TPD52: variants seen among roughly 807,000 people sequenced by gnomAD.
TPD52 encodes tumor protein D52, also known as prostate and colon associated protein.
Under a neutral mutation model 31.3 loss-of-function variants are expected in TPD52, and 17 were observed. The observed-to-expected ratio is 0.54, with a 90% CI of 0.37 to 0.82. TPD52 has a LOEUF of 0.82. TPD52 is among the 40% of genes least tolerant of loss of function. The probability of loss-of-function intolerance (pLI) is 0.00; values close to 1 mark genes in which losing one functional copy is unlikely to be tolerated. For missense variants in TPD52, 212 were observed against 240.1 expected (o/e 0.88, Z 0.77); for synonymous variants, 83 against 89.6 (o/e 0.93, Z 0.42).
chr8:80,091,162 A>G (rs1816228042), intron 1 of TPD52, among the ~76,000 whole-genome samples: 1 of 152,190 alleles, frequency 6.6e-6, no homozygotes, highest in Admixed American at 6.5e-5. Flanking sequence ...AAGGAGTCAC[A>G]GACTGGATTC....
At chr8:80,141,913 A>T (rs1016870210) in intron 1 of TPD52, among the ~76,000 whole-genome samples, 2 of 130,816 alleles carry the variant, frequency 1.5e-5, no homozygotes, top group Non-Finnish European at 3.4e-5. Context: ...CTGGCTCAAA[A>T]AAACAATAAA....
In TPD52 at chr8:80,042,875, G is replaced by C. The variant is rs140064549; in HGVS notation, c.456-207C>G. On this transcript the variant is annotated intron_variant, in intron 6 of 7. Transcript: ENST00000518937. Reference sequence around the variant, plus strand: ...TCTAATATTTTAAGAGTATGCATTTGATTCCATGAACAGGGCCAGTCTCAG... The same window carrying C: ...TCTAATATTTTAAGAGTATGCATTTCATTCCATGAACAGGGCCAGTCTCAG... 177 of 452,622 alleles carry C rather than the reference G, an allele frequency of 3.9e-4. No homozygotes were observed. In the East Asian group the frequency reaches 5.9e-3, roughly 15 times the overall value. The allele number at this position is 452,622 out of a possible 1,614,324, so 28.0% of individuals were successfully genotyped here.
chr8:80,159,486 G>A (rs1811207545), intron 1 of TPD52, among the ~76,000 whole-genome samples: 1 of 152,104 alleles, frequency 6.6e-6, no homozygotes, highest in Non-Finnish European at 1.5e-5. Context: ...GTATAGGCTG[G>A]GTAAGGACAC....
At chr8:80,136,759 AAAT>A (rs1809465261) in intron 1 of TPD52, among the ~76,000 whole-genome samples, 1 of 152,186 alleles carries the variant, frequency 6.6e-6, no homozygotes, top group Admixed American at 6.5e-5. Flanking sequence ...CAAAAAACTG[AAAT>A]AATAAATCCC....
chr8:80,071,073 G>C (rs1813720585), intron 1 of TPD52, among the ~76,000 whole-genome samples: 2 of 152,190 alleles, frequency 1.3e-5, no homozygotes, highest in African/African-American at 4.8e-5. Context: ...GGAACACCAA[G>C]GTCTGCAAGC....
intron 1 of TPD52, among the ~76,000 whole-genome samples, chr8:80,153,674 G>A (rs1232509852): frequency 6.6e-6 from 1 of 152,182 alleles, no homozygotes; most frequent in East Asian, 1.9e-4. Flanking sequence ...TAAGATAAGA[G>A]CTCTCTATAT....
intron 2 of TPD52, among the ~76,000 whole-genome samples, chr8:80,060,688 C>A (rs1165028871): frequency 1.3e-5 from 2 of 151,472 alleles, no homozygotes; most frequent in Non-Finnish European, 2.9e-5. Context: ...GTGTTATATA[C>A]CACATTAATA....
chr8:80,042,207 A>G (rs965929311), intron 7 of TPD52: 5 of 985,358 alleles, frequency 5.1e-6, no homozygotes, highest in Non-Finnish European at 6.0e-6. Context: ...GTAACAGCAT[A>G]ATAGCACATA....
rs1586444281 is a variant in TPD52 at position 80,171,503 on chromosome 8, C to T, written c.-60G>A. 6.6e-7 allele frequency: 1 copy of T among 1,515,448 alleles called. No homozygotes were observed. The highest frequency in any genetic ancestry group is 8.7e-7 in the Non-Finnish European group (1 of 1,145,252). The allele number at this position is 1,515,448 out of a possible 1,614,324, so 93.9% of individuals were successfully genotyped here. ...CCCCCGCCTGCAGCCCGTCCCGGCT[C>T]GGATCGCCCGCCGCGCCGCGCAGAG... is the stretch of plus-strand genomic sequence containing the variant. On this transcript the variant is annotated 5_prime_UTR_variant, in exon 1 of 8. Coordinates refer to ENST00000518937, the MANE Select transcript of TPD52 (RefSeq NM_001025253.3).
chr8:80,091,551 G>C (rs1229302504), intron 1 of TPD52, among the ~76,000 whole-genome samples: 1 of 152,006 alleles, frequency 6.6e-6, no homozygotes, highest in Non-Finnish European at 1.5e-5. Flanking sequence ...GTCATTGTCA[G>C]ATCATGAGAA....
intron 1 of TPD52, among the ~76,000 whole-genome samples, chr8:80,115,144 C>G (rs1042216434): frequency 2.0e-5 from 3 of 152,168 alleles, no homozygotes; most frequent in African/African-American, 7.2e-5. Context: ...CTTTTTTAAA[C>G]ACAGAGGGCT....
At chr8:80,079,364 C>A (rs1315665287) in intron 1 of TPD52, among the ~76,000 whole-genome samples, 1 of 152,198 alleles carries the variant, frequency 6.6e-6, no homozygotes, top group Non-Finnish European at 1.5e-5. Flanking sequence ...TCCTGGAAAT[C>A]CCAGCCACTT....
intron 1 of TPD52, among the ~76,000 whole-genome samples, chr8:80,086,362 C>T (rs1815767411): frequency 6.6e-6 from 1 of 151,602 alleles, no homozygotes; most frequent in Non-Finnish European, 1.5e-5. Context: ...CGTGATCCAC[C>T]CGCCTCGGTC....
intron 2 of TPD52, among the ~76,000 whole-genome samples, chr8:80,062,710 C>T (rs1057163991): frequency 9.2e-5 from 14 of 152,168 alleles, no homozygotes; most frequent in Non-Finnish European, 1.9e-4. Flanking sequence ...CATCTGTAAT[C>T]CCAGCACTTT....
At chr8:80,106,355 T>G (rs1483419452) in intron 1 of TPD52, among the ~76,000 whole-genome samples, 1 of 152,108 alleles carries the variant, frequency 6.6e-6, no homozygotes, top group African/African-American at 2.4e-5. Context: ...TTGTTGTTGT[T>G]GTGGTTGTTG....
At chr8:80,101,427 G>A (rs1023378180) in intron 1 of TPD52, among the ~76,000 whole-genome samples, 3 of 130,490 alleles carry the variant, frequency 2.3e-5, no homozygotes, top group South Asian at 2.7e-4. Flanking sequence ...CAGCCTGGGC[G>A]ACAGAGTGAG....
At chr8:80,076,965 C>T (rs1172644661) in intron 1 of TPD52, among the ~76,000 whole-genome samples, 1 of 151,846 alleles carries the variant, frequency 6.6e-6, no homozygotes, top group African/African-American at 2.4e-5. Flanking sequence ...CTGCGCCCAG[C>T]CAAAAGTTTT....
chr8:80,056,009 C>T (rs867061194), intron 2 of TPD52, among the ~76,000 whole-genome samples: 2 of 152,116 alleles, frequency 1.3e-5, no homozygotes, highest in Non-Finnish European at 2.9e-5. Context: ...AATAGAAATA[C>T]CACATAATCC....
At chr8:80,151,738 G>T (rs970346029) in intron 1 of TPD52, among the ~76,000 whole-genome samples, 4 of 151,910 alleles carry the variant, frequency 2.6e-5, no homozygotes, top group African/African-American at 7.3e-5. Flanking sequence ...CTTATAAAAG[G>T]CACTGTTCTG....
Sources: gnomAD v4.1 joint callset for allele counts (sites outside exome capture counted in the v4.1 genomes callset) on GRCh38, gnomAD v4.1.1 for gene constraint, MANE v1.5 for transcripts, NCBI Gene and HGNC (gene_info 2026-07-23, HGNC 2026-07-21) for gene names.